Variants in SEC61A2 observed in about 807,000 individuals in gnomAD.
The protein encoded by SEC61A2 is SEC61 translocon subunit alpha 2.
Under a neutral mutation model 59.9 loss-of-function variants are expected in SEC61A2, and 28 were observed. The ratio of observed to expected loss-of-function variants is 0.47; its 90% CI spans 0.35 to 0.64. The LOEUF is 0.64. Among genes scored for constraint, SEC61A2 ranks in the 30% least tolerant of loss-of-function variants. The pLI is 0.01. For missense variants in SEC61A2, 340 were observed against 585.9 expected (o/e 0.58, Z 4.33); for synonymous variants, 202 against 214.4 (o/e 0.94, Z 0.50).
chr10:12,149,437 G>A lies in SEC61A2; in HGVS notation c.221-158G>A, dbSNP rs528475500. ...TTGCTGCAGGATTGTGTTAATAAATGAGAACTTTTCTTAGCAAGTAGTGTT... is the reference window on the plus strand; with the variant it reads ...TTGCTGCAGGATTGTGTTAATAAATAAGAACTTTTCTTAGCAAGTAGTGTT... On this transcript the variant is annotated intron_variant, in intron 4 of 11. Transcript: ENST00000298428. This position sits in a 1 kb window ranked among gnomAD's most constrained non-coding sequence, Gnocchi z 5.2. Among the ~76,000 whole-genome samples the A allele has an allele frequency of 1.3e-5, 2 of 152,298 alleles. No individual in the cohort carries two copies. The highest frequency in any genetic ancestry group is 3.9e-4 in the East Asian group (2 of 5,188).
Position 12,155,177 on chromosome 10 carries a change from CTA to C in SEC61A2, c.463-599_463-598del, listed in dbSNP as rs1362381536. ...TCAAATTTACATTCAATCTTTGTCA[CTA>C]TGTGTATAGAATGCATTTTTACATT... On this transcript the variant is annotated intron_variant, in intron 6 of 11. Transcript: ENST00000298428. This position sits in a 1 kb window ranked among gnomAD's most constrained non-coding sequence, Gnocchi z 4.3. 1.3e-5 allele frequency: 6 copies of C among 462,800 alleles called. No individual in the cohort carries two copies. The South Asian group carries it at 2.7e-4, about 21-fold the overall frequency. The allele number at this position is 462,800 out of a possible 1,614,324, so 28.7% of individuals were successfully genotyped here.
At chr10:12,133,751 A>T (rs1159419980) in intron 2 of SEC61A2, among the ~76,000 whole-genome samples, 1 of 152,240 alleles carries the variant, frequency 6.6e-6, no homozygotes, top group African/African-American at 2.4e-5. Context: ...TATACCTCCC[A>T]TTTCTTGATT....
chr10:12,169,477 C>T (rs1030156581), downstream of SEC61A2: 13 of 582,066 alleles, frequency 2.2e-5, no homozygotes, highest in Non-Finnish European at 3.3e-5. This position sits in a 1 kb window ranked among gnomAD's most constrained non-coding sequence, Gnocchi z 4.8. Context: ...AATTATGGTC[C>T]GCGGAGCCTC....
Position 12,143,735 on chromosome 10 carries a change from A to G in SEC61A2, c.220+540A>G, listed in dbSNP as rs1834077284. ...GTAACAGAGTAAGACTCTGCCTCCA[A>G]AAAAAAAGGGAGTCCAGTGTGTGAG... On this transcript the variant is annotated intron_variant, in intron 4 of 11. Coordinates refer to ENST00000298428, the MANE Select transcript of SEC61A2 (RefSeq NM_018144.4). The surrounding 1 kb of genome is among the most constrained non-coding windows in gnomAD (Gnocchi z 4.8). 6.6e-6 allele frequency among the ~76,000 whole-genome samples: 1 copy of G among 151,602 alleles called. No individual in the cohort carries two copies. Among genetic ancestry groups the G allele is most frequent in the African/African-American group, 2.4e-5 (1 of 41,238 alleles).
At position 12,149,982 on chromosome 10, in the gene SEC61A2, C is replaced by CTATGCAGA; in HGVS notation, c.462+24_462+31dup. ...TTCAGGTAAGAAATCCTATATTTTCCTATGCAGATAACAAAACAGTTTGAT... is the reference window on the plus strand; with the variant it reads ...TTCAGGTAAGAAATCCTATATTTTCCTATGCAGATATGCAGATAACAAAACAGTTTGAT... On this transcript the variant is annotated intron_variant, in intron 6 of 11. Transcript: ENST00000298428. The surrounding 1 kb of genome is among the most constrained non-coding windows in gnomAD (Gnocchi z 5.2). 1 of 1,507,476 alleles carries CTATGCAGA rather than the reference C, an allele frequency of 6.6e-7. No individual in the cohort carries two copies. The highest frequency in any genetic ancestry group is 1.1e-5 in the South Asian group (1 of 88,970). The allele number at this position is 1,507,476 out of a possible 1,614,324, so 93.4% of individuals were successfully genotyped here.
In SEC61A2 at chr10:12,156,003, A is replaced by C; in HGVS notation, c.616+72A>C. The C allele has an allele frequency of 6.5e-7, 1 of 1,532,838 alleles. No individual in the cohort carries two copies. Among genetic ancestry groups the C allele is most frequent in the Non-Finnish European group, 9.0e-7 (1 of 1,109,456 alleles). 95.0% of individuals were successfully genotyped at this position (1,532,838 alleles called of 1,614,324 possible). A position where few individuals can be genotyped will look rare whatever the true frequency, so the allele number is the denominator to read the frequency against. On this transcript the variant is annotated intron_variant, in intron 7 of 11. Coordinates refer to ENST00000298428, the MANE Select transcript of SEC61A2 (RefSeq NM_018144.4). This position sits in a 1 kb window ranked among gnomAD's most constrained non-coding sequence, Gnocchi z 5.2. ...GCTGGGAACAAACCCATCGTGTCGC[A>C]GTACATGCCTAGAGCCGTTCTGGTT...
chr10:12,141,704 T>C (rs768372056), intron 3 of SEC61A2, among the ~76,000 whole-genome samples: 6 of 152,228 alleles, frequency 3.9e-5, no homozygotes, highest in African/African-American at 4.8e-5. Context: ...ATATACACTT[T>C]CGTACTTCGT....
At chr10:12,130,219 CGT>C (rs1486954335) in intron 1 of SEC61A2, among the ~76,000 whole-genome samples, 1 of 152,080 alleles carries the variant, frequency 6.6e-6, no homozygotes, top group Non-Finnish European at 1.5e-5. Context: ...TGATGCATGG[CGT>C]GTGTTTTAGG....
intron 4 of SEC61A2, among the ~76,000 whole-genome samples, chr10:12,148,912 G>T (rs7072486): frequency 0.42 from 64,208 of 151,976 alleles, 13,588 homozygotes; most frequent in East Asian, 0.53. Context: ...AAAATCCCCC[G>T]TAAGGTGGAC....
chr10:12,148,307 G>A (rs564098117), intron 4 of SEC61A2, among the ~76,000 whole-genome samples: 3 of 147,384 alleles, frequency 2.0e-5, no homozygotes, highest in Non-Finnish European at 4.5e-5. Context: ...GTGCAATGGC[G>A]GGATCTTGGC....
Position 12,156,119 on chromosome 10 carries a change from A to G in SEC61A2, c.616+188A>G, listed in dbSNP as rs1412926042. 6.6e-6 allele frequency among the ~76,000 whole-genome samples: 1 copy of G among 152,248 alleles called. No individual in the cohort carries two copies. The highest frequency in any genetic ancestry group is 1.5e-5 in the Non-Finnish European group (1 of 68,046). On this transcript the variant is annotated intron_variant, in intron 7 of 11. Transcript: ENST00000298428. This position sits in a 1 kb window ranked among gnomAD's most constrained non-coding sequence, Gnocchi z 5.2. Reference sequence around the variant, plus strand: ...GCAATACTACCTCAGAGAGAATAGTATCAAAATTTTAGCCTCTGCTTATTT... The same window carrying G: ...GCAATACTACCTCAGAGAGAATAGTGTCAAAATTTTAGCCTCTGCTTATTT...
At chr10:12,157,558 A>G (rs1267828694) in intron 8 of SEC61A2, among the ~76,000 whole-genome samples, 1 of 144,482 alleles carries the variant, frequency 6.9e-6, no homozygotes, top group Non-Finnish European at 1.5e-5. Flanking sequence ...GCTGGAGTGC[A>G]ATGGCGCAAT....
chr10:12,169,218 C>G (rs1400747484), downstream of SEC61A2: 3 of 1,389,058 alleles, frequency 2.2e-6, no homozygotes, highest in Non-Finnish European at 3.0e-6. This position sits in a 1 kb window ranked among gnomAD's most constrained non-coding sequence, Gnocchi z 4.8. Flanking sequence ...CCTCTCTCCA[C>G]CTCCCCTCAC....
intron 1 of SEC61A2, among the ~76,000 whole-genome samples, chr10:12,132,586 C>T (rs1052303357): frequency 4.0e-5 from 6 of 149,500 alleles, no homozygotes; most frequent in Non-Finnish European, 1.5e-5. Flanking sequence ...TGAACTGCAG[C>T]CTGGGCAACA....
chr10:12,159,588 G>A (rs1834483690), intron 9 of SEC61A2, among the ~76,000 whole-genome samples: 1 of 152,092 alleles, frequency 6.6e-6, no homozygotes, highest in Non-Finnish European at 1.5e-5. Context: ...TACTTGGGAG[G>A]CTGAGTTGGG....
At position 12,162,160 on chromosome 10, in the gene SEC61A2, G is replaced by T. The variant is rs1019611268; in HGVS notation, c.1168-53G>T. Reference sequence around the variant, plus strand: ...GCACTTCGCATAGAACGTGGTAGATGTAAGCAGTGAAATGTTCCAGTTGGA... The same window carrying T: ...GCACTTCGCATAGAACGTGGTAGATTTAAGCAGTGAAATGTTCCAGTTGGA... On this transcript the variant is annotated intron_variant, in intron 10 of 11. Transcript: ENST00000298428. The surrounding 1 kb of genome is among the most constrained non-coding windows in gnomAD (Gnocchi z 6.1). The T allele has an allele frequency of 2.9e-6, 4 of 1,402,344 alleles. No individual in the cohort carries two copies. Among genetic ancestry groups the T allele is most frequent in the East Asian group, 4.6e-5 (2 of 43,792 alleles). The allele number at this position is 1,402,344 out of a possible 1,614,324, so 86.9% of individuals were successfully genotyped here.
rs1219111654 is a variant in SEC61A2 at position 12,162,791 on chromosome 10, C to T, written c.1244+502C>T. ...AGAAAGAAACCCTGTACCTACTAGC[C>T]CACCTTCCCAACCACCAGCCCCAGA... On this transcript the variant is annotated intron_variant, in intron 11 of 11. Coordinates refer to ENST00000298428, the MANE Select transcript of SEC61A2 (RefSeq NM_018144.4). The surrounding 1 kb of genome is among the most constrained non-coding windows in gnomAD (Gnocchi z 6.1). Among the ~76,000 whole-genome samples the T allele has an allele frequency of 1.3e-5, 2 of 151,932 alleles. No homozygotes were observed. Among genetic ancestry groups the T allele is most frequent in the Non-Finnish European group, 2.9e-5 (2 of 67,990 alleles).
intron 4 of SEC61A2, among the ~76,000 whole-genome samples, chr10:12,146,785 T>C (rs984487819): frequency 6.6e-6 from 1 of 152,210 alleles, no homozygotes; most frequent in Admixed American, 6.5e-5. Context: ...CCCAAAGTGC[T>C]GGGATTACAG....
chr10:12,159,112 G>T lies in SEC61A2; in HGVS notation c.975+1007G>T, dbSNP rs182905693. Among the ~76,000 whole-genome samples the T allele has an allele frequency of 1.6e-3, 236 of 151,780 alleles. 1 individual carries two copies. The East Asian group carries it at 0.026, about 17-fold the overall frequency. ...CCTGCCTCAGCCTCCCAAGTAGCTG[G>T]GACTACAGGCGCCCGCCACCACGCC... is the stretch of plus-strand genomic sequence containing the variant. On this transcript the variant is annotated intron_variant, in intron 9 of 11. Transcript: ENST00000298428.
Sources: gnomAD v4.1 joint callset for allele counts (sites outside exome capture counted in the v4.1 genomes callset) on GRCh38, gnomAD v4.1.1 for gene constraint, Gnocchi (gnomAD v3.1) non-coding constraint, MANE v1.5 for transcripts, NCBI Gene and HGNC (gene_info 2026-07-23, HGNC 2026-07-21) for gene names.